Variants in TCF4 observed in about 807,000 individuals in gnomAD.
TCF4 encodes the protein transcription factor 4, also known as SL3-3 enhancer factor 2.
A neutral mutation model predicts 82.1 loss-of-function variants in TCF4; 3 were observed. That is an observed-to-expected ratio of 0.04 (90% CI 0.02 to 0.09). The LOEUF (loss-of-function observed/expected upper bound fraction) is 0.09. Ranked by LOEUF, TCF4 falls within the 10% of genes least tolerant of loss-of-function variation. The pLI, the probability that TCF4 is intolerant of heterozygous loss-of-function variation, is 1.00. For synonymous variants in TCF4, 276 were observed against 309.6 expected, an observed-to-expected ratio of 0.89 and a Z score of 1.14; for missense variants, 518 against 852.7, an observed-to-expected ratio of 0.61 and a Z score of 4.89.
At chr18:55,494,100 G>C (rs1483435190) in intron 3 of TCF4, among the ~76,000 whole-genome samples, 2 of 151,216 alleles carry the variant, frequency 1.3e-5, no homozygotes, top group Non-Finnish European at 2.9e-5. Flanking sequence ...AGTTGGCATT[G>C]ACAGCTAGAT....
chr18:55,520,268 T>C (rs1318735602), intron 3 of TCF4, among the ~76,000 whole-genome samples: 1 of 152,166 alleles, frequency 6.6e-6, no homozygotes, highest in Non-Finnish European at 1.5e-5. Context: ...TCGGCATTGA[T>C]AAAGTACTGT....
chr18:55,590,973 A>C (rs1006591249), upstream of TCF4: 1 of 152,232 alleles, frequency 6.6e-6, no homozygotes, highest in African/African-American at 2.4e-5. Flanking sequence ...CCCACCTTTG[A>C]AACCAGACAG....
chr18:55,527,251 C>G (rs558372291), intron 3 of TCF4, among the ~76,000 whole-genome samples: 1 of 152,156 alleles, frequency 6.6e-6, no homozygotes, highest in East Asian at 1.9e-4. Context: ...AAAACTGCAA[C>G]GGCAGACTTA....
chr18:55,288,149 TATC>T (rs2064131363), intron 8 of TCF4, among the ~76,000 whole-genome samples: 1 of 152,216 alleles, frequency 6.6e-6, no homozygotes, highest in Non-Finnish European at 1.5e-5. Flanking sequence ...ATAGTGATGT[TATC>T]ATAGCTATAG....
chr18:55,548,238 G>C (rs1321815930), intron 3 of TCF4, among the ~76,000 whole-genome samples: 7 of 152,210 alleles, frequency 4.6e-5, no homozygotes, highest in Admixed American at 4.6e-4. Flanking sequence ...GAATCCCAGG[G>C]AGGAATCACA....
chr18:55,406,677 T>TTGG (rs2146570224), intron 5 of TCF4, among the ~76,000 whole-genome samples: 1 of 152,326 alleles, frequency 6.6e-6, no homozygotes, highest in Non-Finnish European at 1.5e-5. Flanking sequence ...TTTTTGTCAC[T>TTGG]TATACCAACT....
intron 8 of TCF4, among the ~76,000 whole-genome samples, chr18:55,282,625 T>C (rs2062847361): frequency 6.6e-6 from 1 of 152,204 alleles, no homozygotes; most frequent in South Asian, 2.1e-4. Flanking sequence ...AACAACACAA[T>C]TGTTAAATAA....
intron 2 of TCF4, among the ~76,000 whole-genome samples, chr18:55,623,136 C>CT (rs2097723172): frequency 6.6e-6 from 1 of 152,012 alleles, no homozygotes; most frequent in Non-Finnish European, 1.5e-5. Context: ...AACACACTGT[C>CT]TTTTGTTTTT....
intron 8 of TCF4, among the ~76,000 whole-genome samples, chr18:55,309,472 A>G (rs2071549990): frequency 1.3e-5 from 2 of 152,174 alleles, no homozygotes; most frequent in Admixed American, 1.3e-4. Flanking sequence ...CTCACTGAAC[A>G]GGCCAGGCTT....
At chr18:55,453,186 C>T (rs1424847968) in intron 5 of TCF4, among the ~76,000 whole-genome samples, 1 of 152,006 alleles carries the variant, frequency 6.6e-6, no homozygotes, top group Non-Finnish European at 1.5e-5. Context: ...CACCACTCAA[C>T]TCACCCTTCC....
At chr18:55,422,965 C>T (rs768612063) in intron 5 of TCF4, among the ~76,000 whole-genome samples, 1 of 151,880 alleles carries the variant, frequency 6.6e-6, no homozygotes, top group African/African-American at 2.4e-5. Context: ...TTCCACTCTC[C>T]CCCAACCCAA....
chr18:55,477,604 C>T (rs1406059483), intron 3 of TCF4, among the ~76,000 whole-genome samples: 1 of 152,208 alleles, frequency 6.6e-6, no homozygotes, highest in Non-Finnish European at 1.5e-5. Flanking sequence ...CACCAGGGCA[C>T]ACGCAGTTGC....
At chr18:55,294,861 C>A (rs2066082279) in intron 8 of TCF4, among the ~76,000 whole-genome samples, 1 of 152,206 alleles carries the variant, frequency 6.6e-6, no homozygotes, top group South Asian at 2.1e-4. Flanking sequence ...CTCAGAGAAT[C>A]CTCCTGCCTT....
chr18:55,579,187 G>A (rs181878929), intron 3 of TCF4, among the ~76,000 whole-genome samples: 1 of 151,454 alleles, frequency 6.6e-6, no homozygotes, highest in Non-Finnish European at 1.5e-5. Flanking sequence ...TATTAAGAGA[G>A]ATATGGGTCA....
intron 5 of TCF4, among the ~76,000 whole-genome samples, chr18:55,456,125 G>A (rs1410420812): frequency 1.3e-5 from 2 of 152,194 alleles, no homozygotes; most frequent in Non-Finnish European, 2.9e-5. Flanking sequence ...GGCAAACGGA[G>A]CGGTGGAACC....
intron 6 of TCF4, among the ~76,000 whole-genome samples, chr18:55,384,464 T>A (rs2145946111): frequency 6.6e-6 from 1 of 152,244 alleles, no homozygotes; most frequent in Middle Eastern, 3.4e-3. Context: ...GTGAGAAGGC[T>A]CAGGTCAATG....
At position 55,259,663 on chromosome 18, in the gene TCF4, C is replaced by T. The variant is rs138672290; in HGVS notation, c.1069+286G>A. Reference sequence around the variant, plus strand: ...GTTTTATTGGAATACATTATTCTGCCGTTGGGTGTCTTCTGCAGAGCTAAG... The same window carrying T: ...GTTTTATTGGAATACATTATTCTGCTGTTGGGTGTCTTCTGCAGAGCTAAG... On this transcript the variant is annotated intron_variant, in intron 13 of 19. Transcript: ENST00000354452. 5.6e-5 allele frequency: 20 copies of T among 354,654 alleles called. 1 individual carries two copies. The highest frequency in any genetic ancestry group is 1.7e-4 in the African/African-American group (8 of 48,298). The allele number at this position is 354,654 out of a possible 1,614,324, so 22.0% of individuals were successfully genotyped here.
At chr18:55,630,669 C>G (rs1271309874) in intron 2 of TCF4, among the ~76,000 whole-genome samples, 1 of 152,204 alleles carries the variant, frequency 6.6e-6, no homozygotes, top group Non-Finnish European at 1.5e-5. Flanking sequence ...TGCTATGCCT[C>G]TTTTCTTTTG....
intron 15 of TCF4, among the ~76,000 whole-genome samples, chr18:55,241,996 T>C (rs2051396766): frequency 6.6e-6 from 1 of 152,188 alleles, no homozygotes; most frequent in South Asian, 2.1e-4. Flanking sequence ...TTCAATTACC[T>C]ACGCATGGCC....
Sources: gnomAD v4.1 joint callset for allele counts (sites outside exome capture counted in the v4.1 genomes callset) on GRCh38, gnomAD v4.1.1 for gene constraint, MANE v1.5 for transcripts, NCBI Gene and HGNC (gene_info 2026-07-23, HGNC 2026-07-21) for gene names.